ADAMTS6: variants seen among roughly 807,000 people sequenced by gnomAD.
ADAMTS6 encodes the protein ADAM metallopeptidase with thrombospondin type 1 motif 6.
ADAMTS6 carries 23 observed loss-of-function variants against 144.3 expected under a neutral mutation model. That is an observed-to-expected ratio of 0.16 (90% CI 0.11 to 0.23). The LOEUF (loss-of-function observed/expected upper bound fraction) is 0.23. Ranked by LOEUF, ADAMTS6 falls within the 10% of genes least tolerant of loss-of-function variation. The probability of loss-of-function intolerance (pLI) is 1.00; values close to 1 mark genes in which losing one functional copy is unlikely to be tolerated. For synonymous variants in ADAMTS6, 444 were observed against 457.5 expected, an observed-to-expected ratio of 0.97 and a Z score of 0.38; for missense variants, 999 against 1,379.6, an observed-to-expected ratio of 0.72 and a Z score of 4.37.
At chr5:65,332,310 T>TAG (rs200599386) in intron 8 of ADAMTS6, among the ~76,000 whole-genome samples, 5,904 of 113,152 alleles carry the variant, frequency 0.052, 105 homozygotes, top group East Asian at 0.077. Context: ...TATATATATA[T>TAG]ATAGAGAGAG....
At chr5:65,234,078 C>CAA (rs3078364) in intron 15 of ADAMTS6, among the ~76,000 whole-genome samples, 88 of 90,390 alleles carry the variant, frequency 9.7e-4, no homozygotes, top group African/African-American at 3.1e-3. Context: ...TGGTCACGTG[C>CAA]AAAAAAAAAA....
intron 24 of ADAMTS6, 147 bp downstream of exon 24, chr5:65,170,470 C>T (rs1354099411): frequency 3.4e-6 from 3 of 882,676 alleles, no homozygotes; most frequent in Non-Finnish European, 4.8e-6. Flanking sequence ...ACTTGGGTTT[C>T]CTGATTGCTG....
At chr5:65,424,205 A>G (rs1756313272) in intron 7 of ADAMTS6, among the ~76,000 whole-genome samples, 2 of 152,220 alleles carry the variant, frequency 1.3e-5, no homozygotes, top group Non-Finnish European at 2.9e-5. Context: ...TCAAGCAAGG[A>G]AAATTCCACT....
At chr5:65,468,107 T>A (rs1406710146) in intron 3 of ADAMTS6, among the ~76,000 whole-genome samples, 1 of 152,052 alleles carries the variant, frequency 6.6e-6, no homozygotes, top group African/African-American at 2.4e-5. Context: ...ACACAGCAAA[T>A]TAAAATATGA....
intron 12 of ADAMTS6, among the ~76,000 whole-genome samples, chr5:65,272,338 GT>G (rs1373617683): frequency 6.6e-6 from 1 of 152,064 alleles, no homozygotes; most frequent in Non-Finnish European, 1.5e-5. Context: ...GCTACTATCT[GT>G]TTCAACAATT....
chr5:65,253,641 C>G (rs1294310829), intron 14 of ADAMTS6, among the ~76,000 whole-genome samples: 2 of 151,932 alleles, frequency 1.3e-5, no homozygotes, highest in Non-Finnish European at 2.9e-5. Flanking sequence ...GTGGCTCACA[C>G]ATAACAGACA....
In ADAMTS6 at chr5:65,188,153, G is replaced by A; in HGVS notation, c.2773C>T (p.Leu925Phe). 6.2e-7 allele frequency: 1 copy of A among 1,614,150 alleles called. No individual in the cohort carries two copies. ...GAAGGTCCGATCTTCCTGATGCAGA[G>A]CACTGCCCTTGTGCGCATCCCACCA... ...CDGGMRTRAVLCIRKIGPSEE... is the reference protein window; with the variant it reads ...CDGGMRTRAVFCIRKIGPSEE... Residue 925 changes from leucine to phenylalanine, a missense_variant, in exon 22 of 25, where the codon CTC becomes TTC. Leu to Phe is a conservative substitution (Grantham distance 22). Transcript: ENST00000381055.
chr5:65,353,702 A>G (rs1749063344), intron 7 of ADAMTS6, among the ~76,000 whole-genome samples: 1 of 151,958 alleles, frequency 6.6e-6, no homozygotes, highest in Non-Finnish European at 1.5e-5. Flanking sequence ...TAATGTGAAC[A>G]TAACATGTGC....
At chr5:65,396,910 C>T (rs920328489) in intron 7 of ADAMTS6, among the ~76,000 whole-genome samples, 3 of 152,176 alleles carry the variant, frequency 2.0e-5, no homozygotes, top group African/African-American at 7.2e-5. Context: ...TGTAGAGAAT[C>T]AGTATAATTT....
Position 65,153,929 on chromosome 5 carries a change from C to T in ADAMTS6, c.3245-1984G>A, listed in dbSNP as rs143350049. Among the ~76,000 whole-genome samples the T allele has an allele frequency of 4.5e-4, 68 of 152,264 alleles. 1 individual carries two copies. In the East Asian group the frequency reaches 0.01, roughly 23 times the overall value. ...ATTAAGGCTATTATAAATAGTTGGC[C>T]GGGCACAGTGGCTCACGTTTGTAAT... On this transcript the variant is annotated intron_variant, in intron 24 of 24. Coordinates refer to ENST00000381055, the MANE Select transcript of ADAMTS6 (RefSeq NM_197941.4).
At chr5:65,227,064 T>G (rs945051689) in intron 15 of ADAMTS6, among the ~76,000 whole-genome samples, 1 of 152,232 alleles carries the variant, frequency 6.6e-6, no homozygotes, top group African/African-American at 2.4e-5. Context: ...GTCTGTGAAC[T>G]TGGCTTTAGC....
intron 3 of ADAMTS6, among the ~76,000 whole-genome samples, chr5:65,461,496 C>T (rs2150266930): frequency 6.6e-6 from 1 of 152,250 alleles, no homozygotes; most frequent in African/African-American, 2.4e-5. Context: ...GAATTTCCAC[C>T]TTTGTCTAAT....
intron 18 of ADAMTS6, among the ~76,000 whole-genome samples, chr5:65,220,727 A>G (rs1208303094): frequency 6.6e-6 from 1 of 152,218 alleles, no homozygotes; most frequent in African/African-American, 2.4e-5. Flanking sequence ...AGCCTGGGCA[A>G]CAGAGCGAGA....
intron 7 of ADAMTS6, among the ~76,000 whole-genome samples, chr5:65,356,759 T>C (rs1749361254): frequency 6.6e-6 from 1 of 151,834 alleles, no homozygotes; most frequent in African/African-American, 2.4e-5. Context: ...TGGACTCTAC[T>C]GGGGATTTTA....
At chr5:65,340,875 T>C (rs1006614326) in intron 7 of ADAMTS6, among the ~76,000 whole-genome samples, 4 of 152,134 alleles carry the variant, frequency 2.6e-5, no homozygotes, top group Non-Finnish European at 5.9e-5. Flanking sequence ...AAGGGATCAA[T>C]TCGGCAAGAG....
intron 24 of ADAMTS6, among the ~76,000 whole-genome samples, chr5:65,168,907 C>T (rs1233780366): frequency 6.2e-4 from 90 of 145,320 alleles, no homozygotes; most frequent in African/African-American, 2.2e-3. Flanking sequence ...AAGATTTAAA[C>T]GTTAGACCTA....
At chr5:65,188,348 T>C in intron 21 of ADAMTS6, 128 bp from the exon 22 acceptor site, 1 of 867,226 alleles carries the variant, frequency 1.2e-6, no homozygotes, top group Non-Finnish European at 1.8e-6. Flanking sequence ...ATAAGACAAA[T>C]GGCAAATGAA....
intron 7 of ADAMTS6, among the ~76,000 whole-genome samples, chr5:65,354,477 G>A (rs187958394): frequency 6.6e-6 from 1 of 151,708 alleles, no homozygotes; most frequent in Admixed American, 6.6e-5. Context: ...ATGTAATAAG[G>A]CTTAACAAAT....
chr5:65,171,906 G>A (rs1753650837), intron 23 of ADAMTS6, among the ~76,000 whole-genome samples: 2 of 151,934 alleles, frequency 1.3e-5, no homozygotes, highest in Non-Finnish European at 2.9e-5. Context: ...TGCTGAGGCT[G>A]AAGAATGAAG....
Sources: gnomAD v4.1 joint callset for allele counts (sites outside exome capture counted in the v4.1 genomes callset) on GRCh38, gnomAD v4.1.1 for gene constraint, MANE v1.5 for transcripts, NCBI Gene and HGNC (gene_info 2026-07-23, HGNC 2026-07-21) for gene names.